Variants in BEX4 observed in about 807,000 individuals in gnomAD.
BEX4 encodes the protein protein BEX4.
For synonymous variants in BEX4, 37 were observed against 33.5 expected, an observed-to-expected ratio of 1.11 and a Z score of -0.36; for missense variants, 110 against 96.5, an observed-to-expected ratio of 1.14 and a Z score of -0.59.
Position 103,216,628 on chromosome X carries a change from G to C in BEX4, c.*112G>C. ...GGTTTACACTTACCAGTTTCTAATG[G>C]AAATTAGAATTCTAATTGAATATTG... On this transcript the variant is annotated 3_prime_UTR_variant, in exon 3 of 3. Transcript: ENST00000372695. 1 of 849,913 alleles carries C rather than the reference G, an allele frequency of 1.2e-6. No individual in the cohort carries two copies. The highest frequency in any genetic ancestry group is 3.0e-4 in the Middle Eastern group (1 of 3,343). The allele number at this position is 849,913 out of a possible 1,213,427, so 70.0% of individuals were successfully genotyped here.
In BEX4 at chrX:103,216,928, G is replaced by T; in HGVS notation, c.*412G>T. 1 of 127,363 alleles carries T rather than the reference G, an allele frequency of 7.9e-6. No homozygotes were observed. The highest frequency in any genetic ancestry group is 1.8e-5 in the Non-Finnish European group (1 of 55,395). 10.5% of individuals were successfully genotyped at this position (127,363 alleles called of 1,213,427 possible). A position where few individuals can be genotyped will look rare whatever the true frequency, so the allele number is the denominator to read the frequency against. ...ATTCAATGTTTGATATTTTAAGAATGTATGTTCTAGTGTTTTTCAGAGTGA... is the reference window on the plus strand; with the variant it reads ...ATTCAATGTTTGATATTTTAAGAATTTATGTTCTAGTGTTTTTCAGAGTGA... On this transcript the variant is annotated 3_prime_UTR_variant, in exon 3 of 3. Transcript: ENST00000372695.
chrX:103,216,161 C>T lies in BEX4; in HGVS notation c.8C>T (p.Ser3Phe). Residue 3 changes from serine to phenylalanine, a missense_variant, in exon 3 of 3, where the codon TCC becomes TTC. Ser to Phe is a radical substitution (Grantham distance 155). Coordinates refer to ENST00000372695, the MANE Select transcript of BEX4 (RefSeq NM_001080425.4). The part of the protein sequence containing the change: ME[S>F]KEELAANNLN... Reference sequence around the variant, plus strand: ...TCTTGTCTCCTAGGAGTAATGGAGTCCAAAGAGGAACTAGCGGCAAACAAT... The same window carrying T: ...TCTTGTCTCCTAGGAGTAATGGAGTTCAAAGAGGAACTAGCGGCAAACAAT... The T allele has an allele frequency of 3.5e-6, 4 of 1,139,726 alleles. No homozygotes were observed. In the African/African-American group the frequency reaches 5.6e-5, roughly 16 times the overall value. 93.9% of individuals were successfully genotyped at this position (1,139,726 alleles called of 1,213,427 possible). A position where few individuals can be genotyped will look rare whatever the true frequency, so the allele number is the denominator to read the frequency against.
rs1924563660 is a variant in BEX4, at chrX:103,215,738, A to C, written c.-32A>C. On this transcript the variant is annotated 5_prime_UTR_variant, in exon 2 of 3. Transcript: ENST00000372695. ...GGCGCACCTCGCGTCAAGAATCCGG[A>C]GGAGGAGACTGCAAGGATAGGCCCA... is the stretch of plus-strand genomic sequence containing the variant. 1.1e-6 allele frequency: 1 copy of C among 929,311 alleles called. No homozygotes were observed. Among genetic ancestry groups the C allele is most frequent in the South Asian group, 2.5e-5 (1 of 40,057 alleles). 76.6% of individuals were successfully genotyped at this position (929,311 alleles called of 1,213,427 possible). A position where few individuals can be genotyped will look rare whatever the true frequency, so the allele number is the denominator to read the frequency against.
rs773238013 is a variant in BEX4, at chrX:103,215,721, T to G, written c.-49T>G. 5 of 922,308 alleles carry G rather than the reference T, an allele frequency of 5.4e-6. No individual in the cohort carries two copies. In the Admixed American group the frequency reaches 1.9e-4, roughly 35 times the overall value. The allele number at this position is 922,308 out of a possible 1,213,427, so 76.0% of individuals were successfully genotyped here. On this transcript the variant is annotated 5_prime_UTR_variant, in exon 2 of 3. Coordinates refer to ENST00000372695, the MANE Select transcript of BEX4 (RefSeq NM_001080425.4). ...GGGCTAAGTGTCGCGGCGGCGCACC[T>G]CGCGTCAAGAATCCGGAGGAGGAGA... is the stretch of plus-strand genomic sequence containing the variant.
At chrX:103,216,087 C>T in intron 2 of BEX4, 62 bp from the exon 3 acceptor site, 1 of 1,087,151 alleles carries the variant, frequency 9.2e-7, no homozygotes, top group Non-Finnish European at 1.2e-6. Flanking sequence ...AGTAGGGCCT[C>T]TGTCCTCAGT....
In BEX4 at chrX:103,215,696, G is replaced by A; in HGVS notation, c.-74G>A. ...CACCCCGGCAGTCTGCAGGTCTGCG[G>A]GGCTAAGTGTCGCGGCGGCGCACCT... On this transcript the variant is annotated 5_prime_UTR_variant, in exon 2 of 3. Coordinates refer to ENST00000372695, the MANE Select transcript of BEX4 (RefSeq NM_001080425.4). 1.1e-6 allele frequency: 1 copy of A among 917,583 alleles called. No individual in the cohort carries two copies. Among genetic ancestry groups the A allele is most frequent in the Non-Finnish European group, 1.4e-6 (1 of 733,304 alleles). 75.6% of individuals were successfully genotyped at this position (917,583 alleles called of 1,213,427 possible). A position where few individuals can be genotyped will look rare whatever the true frequency, so the allele number is the denominator to read the frequency against.
rs867647231 is a variant in BEX4, at chrX:103,215,695, G to C, written c.-75G>C. 13 of 912,217 alleles carry C rather than the reference G, an allele frequency of 1.4e-5. No individual in the cohort carries two copies. The South Asian group carries it at 2.4e-4, about 17-fold the overall frequency. The allele number at this position is 912,217 out of a possible 1,213,427, so 75.2% of individuals were successfully genotyped here. A position where few individuals can be genotyped will look rare whatever the true frequency, so the allele number is the denominator to read the frequency against. On this transcript the variant is annotated 5_prime_UTR_variant, in exon 2 of 3. Transcript: ENST00000372695. ...CCACCCCGGCAGTCTGCAGGTCTGCGGGGCTAAGTGTCGCGGCGGCGCACC... is the reference window on the plus strand; with the variant it reads ...CCACCCCGGCAGTCTGCAGGTCTGCCGGGCTAAGTGTCGCGGCGGCGCACC...
chrX:103,215,295 C>T, intron 1 of BEX4, 57 bp downstream of exon 1: 1 of 699,664 alleles, frequency 1.4e-6, no homozygotes, highest in Non-Finnish European at 1.7e-6. Flanking sequence ...CTCCGGCCTG[C>T]GGATGCCCAC....
At position 103,215,601 on chromosome X, in the gene BEX4, C is replaced by A; in HGVS notation, c.-88-81C>A. On this transcript the variant is annotated intron_variant, in intron 1 of 2. Coordinates refer to ENST00000372695, the MANE Select transcript of BEX4 (RefSeq NM_001080425.4). ...CAGGGCCAGGGCCAGGGCCTCGGGG[C>A]GGGGCGGGGGAGGGGCCGGATGGCG... 5.7e-6 allele frequency: 3 copies of A among 524,723 alleles called. No individual in the cohort carries two copies. The African/African-American group carries it at 1.1e-4, about 20-fold the overall frequency. The allele number at this position is 524,723 out of a possible 1,213,427, so 43.2% of individuals were successfully genotyped here.
At chrX:103,216,094 CAG>C in intron 2 of BEX4, 53 bp from the exon 3 acceptor site, 2 of 1,105,506 alleles carry the variant, frequency 1.8e-6, no homozygotes, top group Non-Finnish European at 2.4e-6. Context: ...CCTCTGTCCT[CAG>C]TGCTTATCAG....
chrX:103,215,903 T>G, intron 2 of BEX4, 139 bp downstream of exon 2: 1 of 535,376 alleles, frequency 1.9e-6, no homozygotes, highest in Non-Finnish European at 2.5e-6. Flanking sequence ...TCGTCCTCCA[T>G]TTTGCTGCCT....
intron 2 of BEX4, 65 bp from the exon 3 acceptor site, chrX:103,216,084 C>A (rs2147647376): frequency 2.8e-6 from 3 of 1,076,386 alleles, no homozygotes; most frequent in African/African-American, 1.9e-5. Flanking sequence ...CCTAGTAGGG[C>A]CTCTGTCCTC....
chrX:103,216,267 G>T lies in BEX4; in HGVS notation c.114G>T (p.Leu38Phe). 5 of 1,201,556 alleles carry T rather than the reference G, an allele frequency of 4.2e-6. No homozygotes were observed. The highest frequency in any genetic ancestry group is 5.6e-6 in the Non-Finnish European group (5 of 889,479). Residue 38 changes from leucine to phenylalanine, a missense_variant, in exon 3 of 3, where the codon TTG becomes TTT. By Grantham distance (22) the Leu-to-Phe change is conservative (BLOSUM62 0). Transcript: ENST00000372695. ...PTQNEEESRH[L>F]GGGEGQKPGG... ...AGAATGAAGAAGAATCCCGCCATTTGGGAGGGGGTGAAGGCCAGAAGCCTG... is the reference window on the plus strand; with the variant it reads ...AGAATGAAGAAGAATCCCGCCATTTTGGAGGGGGTGAAGGCCAGAAGCCTG...
rs1014966595 is a variant in BEX4, at chrX:103,217,154, T to TAA, written c.*639_*640dup. The TAA allele has an allele frequency of 6.5e-5, 8 of 123,174 alleles. No individual in the cohort carries two copies. Among genetic ancestry groups the TAA allele is most frequent in the African/African-American group, 2.6e-4 (8 of 30,735 alleles). 10.2% of individuals were successfully genotyped at this position (123,174 alleles called of 1,213,427 possible). On this transcript the variant is annotated 3_prime_UTR_variant, in exon 3 of 3. Transcript: ENST00000372695. ...ACATATGTGTGTGTGTGTATATATA[T>TAA]AATGTGTCATAACCGTAAACAATAA...
rs996392631 is a variant in BEX4, at chrX:103,215,137, G to C, written c.-190G>C. The C allele has an allele frequency of 2.3e-5, 17 of 752,541 alleles. No individual in the cohort carries two copies. The highest frequency in any genetic ancestry group is 2.5e-5 in the Non-Finnish European group (16 of 638,992). The allele number at this position is 752,541 out of a possible 1,213,427, so 62.0% of individuals were successfully genotyped here. A position where few individuals can be genotyped will look rare whatever the true frequency, so the allele number is the denominator to read the frequency against. ...GTTGTCTCGCTCTGGCGTCAGAGCC[G>C]TCGTGGCTCGTTCCATTCTCGGCGG... On this transcript the variant is annotated 5_prime_UTR_variant, in exon 1 of 3. Transcript: ENST00000372695.
chrX:103,215,332 T>G, intron 1 of BEX4, 94 bp downstream of exon 1: 1 of 609,472 alleles, frequency 1.6e-6, no homozygotes, highest in Non-Finnish European at 2.0e-6. Flanking sequence ...GGAGAAGCAA[T>G]CGGTCCGCGA....
intron 1 of BEX4, 25 bp downstream of exon 1, chrX:103,215,263 T>C: frequency 1.3e-6 from 1 of 751,013 alleles, no homozygotes; most frequent in Middle Eastern, 7.6e-4. Context: ...GGGGGGTCCC[T>C]GGGGTTGGTG....
Position 103,215,692 on chromosome X carries a change from TGCGGGGCTAAGTGTC to T in BEX4, c.-73_-59del, listed in dbSNP as rs988162727. The T allele has an allele frequency of 4.2e-5, 38 of 910,324 alleles. No individual in the cohort carries two copies. The Admixed American group carries it at 1.4e-3, about 33-fold the overall frequency. 75.0% of individuals were successfully genotyped at this position (910,324 alleles called of 1,213,427 possible). On this transcript the variant is annotated 5_prime_UTR_variant, in exon 2 of 3. Transcript: ENST00000372695. ...CCCCCACCCCGGCAGTCTGCAGGTC[TGCGGGGCTAAGTGTC>T]GCGGCGGCGCACCTCGCGTCAAGAA...
rs755198979 is a variant in BEX4 at position 103,216,361 on chromosome X, C to T, written c.208C>T (p.His70Tyr). The change falls in exon 3 of 3, where the codon CAT (histidine) becomes TAT (tyrosine). Residue 70 changes from histidine to tyrosine, a missense_variant. Transcript: ENST00000372695. ...TTTTCGATGGGCCATACCTAATAGG[C>T]ATATTGAGCACAATGAAGCGAGAGA... is the stretch of plus-strand genomic sequence containing the variant. ...PNFRWAIPNR[H>Y]IEHNEARDDV... 6.6e-6 allele frequency: 8 copies of T among 1,211,371 alleles called. No individual in the cohort carries two copies. In the South Asian group the frequency reaches 1.4e-4, roughly 21 times the overall value.
Sources: allele counts gnomAD v4.1 joint callset, GRCh38; gene constraint gnomAD v4.1.1; transcripts MANE v1.5; gene names NCBI Gene and HGNC (gene_info 2026-07-23, HGNC 2026-07-21).